Variants in RASGEF1B observed in about 807,000 individuals in gnomAD.
The protein encoded by RASGEF1B is ras-GEF domain-containing family member 1B.
A neutral mutation model predicts 65.7 loss-of-function variants in RASGEF1B; 30 were observed. That is an observed-to-expected ratio of 0.46 (90% confidence interval 0.34 to 0.62). The LOEUF is 0.62. Ranked by LOEUF, RASGEF1B falls within the 20% of genes least tolerant of loss-of-function variation. The probability of loss-of-function intolerance (pLI) is 0.01; values close to 1 mark genes in which losing one functional copy is unlikely to be tolerated. For synonymous variants in RASGEF1B, 175 were observed against 194.8 expected (o/e 0.90, Z 0.85); for missense variants, 495 against 580.1 (o/e 0.85, Z 1.51).
At chr4:81,439,349 G>A (rs1006864508) in intron 10 of RASGEF1B, among the ~76,000 whole-genome samples, 2 of 152,112 alleles carry the variant, frequency 1.3e-5, no homozygotes. Flanking sequence ...CATAGAACCT[G>A]TTTAAAGCAA....
At chr4:81,431,540 A>T (rs1432189150) in intron 13 of RASGEF1B, among the ~76,000 whole-genome samples, 1 of 152,174 alleles carries the variant, frequency 6.6e-6, no homozygotes, top group Non-Finnish European at 1.5e-5. Context: ...AGTATATCTT[A>T]GATATCCTGG....
rs542467475 is a variant in RASGEF1B, at chr4:81,435,303, C to T, written c.1105-569G>A. On this transcript the variant is annotated intron_variant, in intron 10 of 13. Transcript: ENST00000264400. The stretch of plus-strand genomic sequence containing the variant: ...GCGGGCGCCTGTAGTCCCAGCTACT[C>T]GGGAGGCTGAGGCAGGAGAATGGCG... Among the ~76,000 whole-genome samples, 53 of 148,794 alleles carry T rather than the reference C, an allele frequency of 3.6e-4. No individual in the cohort carries two copies. The East Asian group carries it at 7.1e-3, about 20-fold the overall frequency.
At chr4:81,456,922 C>T in intron 3 of RASGEF1B, 134 bp from the exon 4 acceptor site, 1 of 749,410 alleles carries the variant, frequency 1.3e-6, no homozygotes, top group South Asian at 1.9e-5. Context: ...TCCAGCCCCC[C>T]TCCCTCCATG....
chr4:81,444,532 C>CTCT (rs531040821), intron 8 of RASGEF1B, among the ~76,000 whole-genome samples: 2 of 152,092 alleles, frequency 1.3e-5, no homozygotes, highest in South Asian at 2.1e-4. Flanking sequence ...GACCTCAACT[C>CTCT]TCTTCTTCTT....
At chr4:81,457,670 A>C in intron 2 of RASGEF1B, 49 bp from the exon 3 acceptor site, 1 of 1,601,906 alleles carries the variant, frequency 6.2e-7, no homozygotes, top group South Asian at 1.1e-5. Context: ...TCTGAAATTA[A>C]TATCTTGCCT....
intron 3 of RASGEF1B, 115 bp downstream of exon 3, chr4:81,457,384 G>T: frequency 2.2e-6 from 2 of 921,746 alleles, no homozygotes; most frequent in Non-Finnish European, 3.3e-6. Flanking sequence ...TAGCCATGAT[G>T]CCATTTATGC....
chr4:81,427,677 T>G lies in RASGEF1B; in HGVS notation c.*91A>C. ...CCAATGACTGCAGGGTCTTCATGAG[T>G]GTTCGTGGTACGAGATGCCAGAAAA... On this transcript the variant is annotated 3_prime_UTR_variant, in exon 14 of 14. Coordinates refer to ENST00000264400, the MANE Select transcript of RASGEF1B (RefSeq NM_152545.3). The G allele has an allele frequency of 6.8e-7, 1 of 1,481,198 alleles. No individual in the cohort carries two copies. Among genetic ancestry groups the G allele is most frequent in the Non-Finnish European group, 9.3e-7 (1 of 1,070,958 alleles). The allele number at this position is 1,481,198 out of a possible 1,614,324, so 91.8% of individuals were successfully genotyped here. A position where few individuals can be genotyped will look rare whatever the true frequency, so the allele number is the denominator to read the frequency against.
chr4:81,466,120 T>C (rs914195746), intron 1 of RASGEF1B, among the ~76,000 whole-genome samples: 1 of 152,154 alleles, frequency 6.6e-6, no homozygotes, highest in Non-Finnish European at 1.5e-5. Context: ...TTTGAAAGCA[T>C]ATTTGTTTAG....
chr4:81,464,602 A>G (rs937444676), intron 1 of RASGEF1B, among the ~76,000 whole-genome samples: 1 of 152,082 alleles, frequency 6.6e-6, no homozygotes, highest in Non-Finnish European at 1.5e-5. Flanking sequence ...TCTCCCCATC[A>G]CCACCCCCAG....
chr4:81,454,421 A>C (rs1722374283), intron 4 of RASGEF1B: 1 of 152,218 alleles, frequency 6.6e-6, no homozygotes, highest in Non-Finnish European at 1.5e-5. Flanking sequence ...GCTAAAGACA[A>C]CCAAACTGAA....
chr4:81,432,503 A>G lies in RASGEF1B; in HGVS notation c.1325-132T>C, dbSNP rs1721465396. The G allele has an allele frequency of 2.5e-5, 14 of 558,534 alleles. No homozygotes were observed. In the East Asian group the frequency reaches 4.2e-4, roughly 17 times the overall value. 34.6% of individuals were successfully genotyped at this position (558,534 alleles called of 1,614,324 possible). On this transcript the variant is annotated intron_variant, in intron 12 of 13. Coordinates refer to ENST00000264400, the MANE Select transcript of RASGEF1B (RefSeq NM_152545.3). ...TCAAAATATCAAGTCATGACCAAGAAGCTTCACTGTTTCATGAAGAACACA... is the reference window on the plus strand; with the variant it reads ...TCAAAATATCAAGTCATGACCAAGAGGCTTCACTGTTTCATGAAGAACACA...
intron 4 of RASGEF1B, chr4:81,454,467 C>T (rs569358372): frequency 1.1e-4 from 16 of 152,246 alleles, no homozygotes; most frequent in Non-Finnish European, 1.6e-4. Context: ...AGCCTTCATA[C>T]AAGAAAAAGC....
chr4:81,448,342 C>G lies in RASGEF1B; in HGVS notation c.439-58G>C, dbSNP rs529009147. The G allele has an allele frequency of 7.9e-5, 110 of 1,400,658 alleles. No individual in the cohort carries two copies. In the African/African-American group the frequency reaches 1.4e-3, roughly 17 times the overall value. 86.8% of individuals were successfully genotyped at this position (1,400,658 alleles called of 1,614,324 possible). On this transcript the variant is annotated intron_variant, in intron 4 of 13. Transcript: ENST00000264400. Reference sequence around the variant, plus strand: ...CTGCGTGTCTGGTTTTGCCACTAGGCAAACTCAGAGACTGTGTCCTCAAAT... The same window carrying G: ...CTGCGTGTCTGGTTTTGCCACTAGGGAAACTCAGAGACTGTGTCCTCAAAT...
At chr4:81,427,901 G>A in intron 13 of RASGEF1B, 109 bp from the exon 14 acceptor site, 1 of 1,154,952 alleles carries the variant, frequency 8.7e-7, no homozygotes, top group Non-Finnish European at 1.2e-6. Context: ...TTTTAAGTTT[G>A]ATTTTACAAA....
Position 81,433,977 on chromosome 4 carries a change from A to G in RASGEF1B, c.1201-14T>C. On this transcript the variant is annotated splice_polypyrimidine_tract_variant and intron_variant, in intron 11 of 13. Coordinates refer to ENST00000264400, the MANE Select transcript of RASGEF1B (RefSeq NM_152545.3). ...TTCCCAAAATTTCTGGAAGATAAGT[A>G]AAAAAAGAATATAAAGGTGATCATA... 1.2e-6 allele frequency: 2 copies of G among 1,605,274 alleles called. No homozygotes were observed. The highest frequency in any genetic ancestry group is 1.7e-6 in the Non-Finnish European group (2 of 1,172,742).
Position 81,456,657 on chromosome 4 carries a change from G to C in RASGEF1B, c.432C>G (p.Gly144=). 4 of 1,614,068 alleles carry C rather than the reference G, an allele frequency of 2.5e-6. No homozygotes were observed. The highest frequency in any genetic ancestry group is 3.4e-6 in the Non-Finnish European group (4 of 1,179,974). The change falls in exon 4 of 14, where the codon GGC becomes GGG. Residue 144 remains glycine (G), a synonymous_variant. Coordinates refer to ENST00000264400, the MANE Select transcript of RASGEF1B (RefSeq NM_152545.3). Reference sequence around the variant, plus strand: ...CTAAATTCAGGTTACCAACCTCTTCGCCACTGGCTATTCGGTGAGCCAGAT... The same window carrying C: ...CTAAATTCAGGTTACCAACCTCTTCCCCACTGGCTATTCGGTGAGCCAGAT... The part of the protein sequence containing the change: ...LKDLAHRIAS[G]EEQTYRKNVQ...
At chr4:81,447,657 G>A in intron 5 of RASGEF1B, 79 bp from the exon 6 acceptor site, 2 of 987,426 alleles carry the variant, frequency 2.0e-6, no homozygotes, top group Admixed American at 3.8e-5. Flanking sequence ...TATGACTATT[G>A]GCACCACCCC....
At chr4:81,456,818 GATATTT>G (rs1484281951) in intron 3 of RASGEF1B, 30 bp from the exon 4 acceptor site, 5 of 1,567,090 alleles carry the variant, frequency 3.2e-6, no homozygotes, top group Middle Eastern at 1.9e-4. Flanking sequence ...CTAATTCAGT[GATATTT>G]ATCACTATGG....
At position 81,456,803 on chromosome 4, in the gene RASGEF1B, C is replaced by T. The variant is rs1722460506; in HGVS notation, c.301-15G>A. 2 of 1,590,632 alleles carry T rather than the reference C, an allele frequency of 1.3e-6. No homozygotes were observed. Among genetic ancestry groups the T allele is most frequent in the Admixed American group, 3.5e-5 (2 of 57,308 alleles). On this transcript the variant is annotated splice_polypyrimidine_tract_variant and intron_variant, in intron 3 of 13. Transcript: ENST00000264400. ...CTCATCTGGTTCTAGGGAGAAATAG[C>T]AAATCTAATTCAGTGATATTTATCA...
Sources: allele counts gnomAD v4.1 joint callset (sites outside exome capture counted in the v4.1 genomes callset), GRCh38; gene constraint gnomAD v4.1.1; transcripts MANE v1.5; gene names NCBI Gene and HGNC (gene_info 2026-07-23, HGNC 2026-07-21).